The following MCTP1 variants were observed in gnomAD, a reference collection of about 807,000 sequenced individuals.
MCTP1 encodes the protein multiple C2 and transmembrane domain containing 1.
MCTP1 carries 69 observed loss-of-function variants against 120.6 expected under a neutral mutation model. The ratio of observed to expected loss-of-function variants is 0.57; its 90% CI spans 0.47 to 0.70. The LOEUF (loss-of-function observed/expected upper bound fraction) is 0.70. MCTP1 is among the 30% of genes least tolerant of loss of function. The pLI, the probability that MCTP1 is intolerant of heterozygous loss-of-function variation, is 0.00. For missense variants in MCTP1, 1,203 were observed against 1,248.8 expected (o/e 0.96, Z 0.55); for synonymous variants, 529 against 493.1 (o/e 1.07, Z -0.96).
intron 1 of MCTP1, among the ~76,000 whole-genome samples, chr5:95,141,323 G>A (rs994165736): frequency 7.9e-5 from 12 of 152,224 alleles, no homozygotes; most frequent in Non-Finnish European, 1.2e-4. Context: ...TGCCACGGGC[G>A]TATGCTGGTT....
At chr5:94,825,446 G>C (rs749570669) in intron 17 of MCTP1, among the ~76,000 whole-genome samples, 1 of 151,618 alleles carries the variant, frequency 6.6e-6, no homozygotes, top group South Asian at 2.1e-4. Context: ...TGCTGAGGAG[G>C]GTTTTGCTTC....
intron 19 of MCTP1, among the ~76,000 whole-genome samples, chr5:94,763,820 A>C (rs149863679): frequency 1.1e-3 from 168 of 152,314 alleles, no homozygotes; most frequent in African/African-American, 3.7e-3. Context: ...AAGAAAAAAA[A>C]TTTTAAAACT....
chr5:94,777,816 TTA>T (rs1561619101), intron 19 of MCTP1, among the ~76,000 whole-genome samples: 2 of 152,268 alleles, frequency 1.3e-5, no homozygotes, highest in African/African-American at 2.4e-5. Context: ...TTTTGTTAGT[TTA>T]TGTTTGATGA....
intron 16 of MCTP1, 38 bp downstream of exon 16, chr5:94,870,379 G>A: frequency 4.5e-6 from 6 of 1,334,502 alleles, no homozygotes; most frequent in Non-Finnish European, 6.5e-6. Flanking sequence ...GATATAATCA[G>A]GTCTTCCCAG....
At chr5:95,186,852 C>A (rs1403387633) in intron 1 of MCTP1, among the ~76,000 whole-genome samples, 3 of 152,004 alleles carry the variant, frequency 2.0e-5, no homozygotes. Context: ...AGAAGAGAAC[C>A]CAGAATCCAG....
chr5:94,909,138 A>C (rs1273597958), intron 10 of MCTP1, 113 bp downstream of exon 10: 5 of 1,261,606 alleles, frequency 4.0e-6, no homozygotes, highest in Non-Finnish European at 5.5e-6. Flanking sequence ...TTACCATGGT[A>C]AAGTCCCTTT....
At chr5:95,265,883 G>A (rs1562289117) in intron 1 of MCTP1, among the ~76,000 whole-genome samples, 1 of 152,182 alleles carries the variant, frequency 6.6e-6, no homozygotes, top group Non-Finnish European at 1.5e-5. Flanking sequence ...CAACTGAGGA[G>A]GATAATCAGA....
At chr5:94,768,588 C>T (rs1445687486) in intron 19 of MCTP1, among the ~76,000 whole-genome samples, 1 of 152,104 alleles carries the variant, frequency 6.6e-6, no homozygotes, top group Non-Finnish European at 1.5e-5. Flanking sequence ...TCTGAACAGA[C>T]ATTTCTCAAA....
chr5:95,203,647 AAGTT>A (rs964339898), intron 1 of MCTP1, among the ~76,000 whole-genome samples: 6 of 152,232 alleles, frequency 3.9e-5, no homozygotes, highest in African/African-American at 1.2e-4. Context: ...ATGAATTCAT[AAGTT>A]AGTAAGTACA....
intron 1 of MCTP1, among the ~76,000 whole-genome samples, chr5:95,245,902 AG>A (rs1280865311): frequency 2.0e-5 from 3 of 152,222 alleles, no homozygotes; most frequent in African/African-American, 7.2e-5. Context: ...GTTGAAATGA[AG>A]GAAAAAATGT....
intron 1 of MCTP1, among the ~76,000 whole-genome samples, chr5:95,227,560 CA>C (rs1178553135): frequency 1.3e-5 from 2 of 152,084 alleles, no homozygotes; most frequent in Non-Finnish European, 2.9e-5. Flanking sequence ...AGCTAAAAGG[CA>C]ACTTTATAGG....
chr5:95,121,330 A>G (rs1009119626), intron 1 of MCTP1, among the ~76,000 whole-genome samples: 11 of 151,680 alleles, frequency 7.3e-5, no homozygotes, highest in Non-Finnish European at 2.9e-5. Context: ...TCAACATACA[A>G]AAACCAGTAG....
At chr5:94,909,002 A>G (rs1355294459) in intron 10 of MCTP1, among the ~76,000 whole-genome samples, 1 of 152,080 alleles carries the variant, frequency 6.6e-6, no homozygotes, top group Non-Finnish European at 1.5e-5. Flanking sequence ...CTCAACTCCC[A>G]TAACTTTGAC....
intron 1 of MCTP1, among the ~76,000 whole-genome samples, chr5:95,141,498 T>C (rs565346587): frequency 6.6e-6 from 1 of 152,334 alleles, no homozygotes; most frequent in Admixed American, 6.5e-5. Context: ...GTTGTATGTG[T>C]GCAACAACAT....
rs1013122765 is a variant in MCTP1, at chr5:94,704,849, A to C, written c.*2647T>G. On this transcript the variant is annotated 3_prime_UTR_variant, in exon 23 of 23. Transcript: ENST00000515393. ...TTTTGAACATTCTATATGCACTAGG[A>C]TAATCTGAGTTGGGAGATTCAATCA... 1 of 150,570 alleles carries C rather than the reference A, an allele frequency of 6.6e-6. No homozygotes were observed. Among genetic ancestry groups the C allele is most frequent in the African/African-American group, 2.4e-5 (1 of 41,148 alleles). 9.3% of individuals were successfully genotyped at this position (150,570 alleles called of 1,614,324 possible). A position where few individuals can be genotyped will look rare whatever the true frequency, so the allele number is the denominator to read the frequency against.
At chr5:94,910,996 A>G (rs547522084) in intron 9 of MCTP1, among the ~76,000 whole-genome samples, 37 of 152,264 alleles carry the variant, frequency 2.4e-4, no homozygotes, top group African/African-American at 8.4e-4. Flanking sequence ...TGCCTTCCCT[A>G]TATTATTTCC....
intron 1 of MCTP1, among the ~76,000 whole-genome samples, chr5:95,219,381 C>CAAAA (rs11414984): frequency 1.2e-5 from 1 of 85,958 alleles, no homozygotes; most frequent in Non-Finnish European, 2.3e-5. Flanking sequence ...GACTCCATCT[C>CAAAA]AAAAAAAAAA....
intron 2 of MCTP1, among the ~76,000 whole-genome samples, chr5:95,002,227 C>T (rs1833876255): frequency 6.6e-6 from 1 of 152,226 alleles, no homozygotes; most frequent in Non-Finnish European, 1.5e-5. Flanking sequence ...TAGAGTCTTC[C>T]TGGAGAACCT....
At chr5:94,711,231 A>G (rs1647058619) in intron 20 of MCTP1, among the ~76,000 whole-genome samples, 1 of 151,898 alleles carries the variant, frequency 6.6e-6, no homozygotes, top group African/African-American at 2.4e-5. Context: ...TTTCTTCTTT[A>G]TTTTTCTACT....
Sources: gnomAD v4.1 joint callset for allele counts (sites outside exome capture counted in the v4.1 genomes callset) on GRCh38, gnomAD v4.1.1 for gene constraint, MANE v1.5 for transcripts, NCBI Gene and HGNC (gene_info 2026-07-23, HGNC 2026-07-21) for gene names.